The following GRM8 variants were observed in gnomAD, a reference collection of about 807,000 sequenced individuals.
GRM8 encodes glutamate metabotropic receptor 8.
Under a neutral mutation model 87.2 loss-of-function variants are expected in GRM8, and 47 were observed. That is an observed-to-expected ratio of 0.54 (90% CI 0.43 to 0.69). GRM8 has a LOEUF of 0.69. GRM8 is among the 30% of genes least tolerant of loss of function. The pLI, the probability that GRM8 is intolerant of heterozygous loss-of-function variation, is 0.00. For synonymous variants in GRM8, 396 were observed against 404.5 expected (o/e 0.98, Z 0.25); for missense variants, 1,019 against 1,139.2 (o/e 0.89, Z 1.52).
At chr7:126,526,125 C>T (rs917953965) in intron 9 of GRM8, among the ~76,000 whole-genome samples, 3 of 152,118 alleles carry the variant, frequency 2.0e-5, no homozygotes, top group Non-Finnish European at 4.4e-5. Context: ...TCCTGGCACC[C>T]TGTATGTTCC....
chr7:126,774,510 A>G (rs1245180996), intron 6 of GRM8, among the ~76,000 whole-genome samples: 3 of 152,218 alleles, frequency 2.0e-5, no homozygotes, highest in Non-Finnish European at 4.4e-5. Flanking sequence ...AACAACATAT[A>G]GCAAAGTGTT....
intron 3 of GRM8, among the ~76,000 whole-genome samples, chr7:126,926,932 A>G (rs1805192379): frequency 6.6e-6 from 1 of 152,086 alleles, no homozygotes; most frequent in Non-Finnish European, 1.5e-5. Context: ...CATTTTCCCA[A>G]CCAGCCTATT....
chr7:127,063,411 A>C (rs1820810337), intron 3 of GRM8, among the ~76,000 whole-genome samples: 1 of 151,966 alleles, frequency 6.6e-6, no homozygotes, highest in Non-Finnish European at 1.5e-5. Flanking sequence ...CCCTGTCTCT[A>C]CTAAAAATAC....
At chr7:126,993,849 G>C (rs1445966308) in intron 3 of GRM8, among the ~76,000 whole-genome samples, 1 of 152,216 alleles carries the variant, frequency 6.6e-6, no homozygotes, top group African/African-American at 2.4e-5. Flanking sequence ...TTCTCTGCAA[G>C]TCTTGCTACT....
chr7:127,080,878 C>T (rs189599721), intron 3 of GRM8: 1 of 152,264 alleles, frequency 6.6e-6, no homozygotes, highest in African/African-American at 2.4e-5. Context: ...AGACTTCTTG[C>T]TATATAGGAA....
At chr7:126,527,038 T>C (rs1355366238) in intron 9 of GRM8, among the ~76,000 whole-genome samples, 2 of 152,206 alleles carry the variant, frequency 1.3e-5, no homozygotes, top group African/African-American at 2.4e-5. Flanking sequence ...CTGCTTCAAA[T>C]GACTGTGAAC....
At chr7:127,212,410 AT>A (rs144077638) in intron 2 of GRM8, among the ~76,000 whole-genome samples, 1,865 of 97,616 alleles carry the variant, frequency 0.019, 11 homozygotes, top group African/African-American at 0.055. Flanking sequence ...ACATGGTGTT[AT>A]TTTTTTTTTT....
At chr7:127,242,113 G>A (rs1027736573) in intron 2 of GRM8, among the ~76,000 whole-genome samples, 2 of 152,030 alleles carry the variant, frequency 1.3e-5, no homozygotes, top group African/African-American at 4.8e-5. Flanking sequence ...ATTATTCCAA[G>A]TCTGTATCAG....
intron 6 of GRM8, among the ~76,000 whole-genome samples, chr7:126,797,592 G>A (rs149211228): frequency 6.6e-6 from 1 of 151,976 alleles, no homozygotes; most frequent in South Asian, 2.1e-4. Flanking sequence ...GAAGTGAAAG[G>A]CTGCTCCAAT....
At chr7:127,071,649 T>C (rs1821702441) in intron 3 of GRM8, among the ~76,000 whole-genome samples, 2 of 152,204 alleles carry the variant, frequency 1.3e-5, no homozygotes, top group Admixed American at 6.5e-5. Flanking sequence ...TTTCTCTTCT[T>C]ATTTGTAGAG....
chr7:126,910,475 G>T (rs1803170684), intron 3 of GRM8, among the ~76,000 whole-genome samples: 1 of 152,206 alleles, frequency 6.6e-6, no homozygotes, highest in Non-Finnish European at 1.5e-5. Context: ...ATGAGACAGT[G>T]CTGCTTTCAA....
chr7:126,828,762 C>T (rs1795067450), intron 6 of GRM8, among the ~76,000 whole-genome samples: 4 of 152,092 alleles, frequency 2.6e-5, no homozygotes, highest in Admixed American at 1.3e-4. Flanking sequence ...TGTGTTTGCT[C>T]TTGCTTCTCT....
At chr7:126,459,519 G>A (rs958409347) in intron 9 of GRM8, among the ~76,000 whole-genome samples, 18 of 151,600 alleles carry the variant, frequency 1.2e-4, no homozygotes, top group African/African-American at 3.9e-4. Flanking sequence ...GTCCTTTTCA[G>A]AATTAGTGAT....
rs545945845 is a variant in GRM8, at chr7:127,180,083, A to G, written c.510+62612T>C. On this transcript the variant is annotated intron_variant, in intron 2 of 10. Coordinates refer to ENST00000339582, the MANE Select transcript of GRM8 (RefSeq NM_000845.3). Reference sequence around the variant, plus strand: ...AAAAGCTGGTTATTTAAAAAGATAAATAAAATTGATAGACCATCAGCAAGA... The same window carrying G: ...AAAAGCTGGTTATTTAAAAAGATAAGTAAAATTGATAGACCATCAGCAAGA... Among the ~76,000 whole-genome samples the G allele has an allele frequency of 4.0e-5, 6 of 149,516 alleles. No individual in the cohort carries two copies. In the South Asian group the frequency reaches 1.2e-3, roughly 31 times the overall value.
At chr7:126,600,046 A>G (rs1397848675) in intron 8 of GRM8, among the ~76,000 whole-genome samples, 1 of 152,196 alleles carries the variant, frequency 6.6e-6, no homozygotes, top group Non-Finnish European at 1.5e-5. Flanking sequence ...TTTAAAGTCT[A>G]GTTTGAATTT....
At chr7:126,954,708 C>T (rs555645851) in intron 3 of GRM8, among the ~76,000 whole-genome samples, 2 of 152,226 alleles carry the variant, frequency 1.3e-5, no homozygotes, top group African/African-American at 4.8e-5. Flanking sequence ...CAATAACTTT[C>T]TCATAGAGTG....
intron 2 of GRM8, among the ~76,000 whole-genome samples, chr7:127,138,312 A>G (rs910412362): frequency 6.6e-6 from 1 of 152,106 alleles, no homozygotes; most frequent in African/African-American, 2.4e-5. Context: ...AGGCTCGAAT[A>G]TTCCCTATAC....
At chr7:126,553,742 A>G (rs553271551) in intron 8 of GRM8, among the ~76,000 whole-genome samples, 11 of 152,320 alleles carry the variant, frequency 7.2e-5, no homozygotes, top group African/African-American at 9.6e-5. Context: ...AATACAAAAT[A>G]TGGTTTCACT....
intron 9 of GRM8, among the ~76,000 whole-genome samples, chr7:126,531,944 A>G (rs933031714): frequency 2.0e-5 from 3 of 152,184 alleles, no homozygotes; most frequent in Admixed American, 6.5e-5. Context: ...CAGAGGATGG[A>G]ACAATCAAGT....
Sources: gnomAD v4.1 joint callset for allele counts (sites outside exome capture counted in the v4.1 genomes callset) on GRCh38, gnomAD v4.1.1 for gene constraint, MANE v1.5 for transcripts, NCBI Gene and HGNC (gene_info 2026-07-23, HGNC 2026-07-21) for gene names.